RAP1GAP2: variants seen among roughly 807,000 people sequenced by gnomAD.
The protein encoded by RAP1GAP2 is rap1 GTPase-activating protein 2.
RAP1GAP2 carries 27 observed loss-of-function variants against 95.0 expected under a neutral mutation model. The ratio of observed to expected loss-of-function variants is 0.28; its 90% CI spans 0.21 to 0.39. The LOEUF is 0.39. Ranked by LOEUF, RAP1GAP2 falls within the 10% of genes least tolerant of loss-of-function variation. The pLI, the probability that RAP1GAP2 is intolerant of heterozygous loss-of-function variation, is 1.00. For missense variants in RAP1GAP2, 771 were observed against 970.0 expected, an observed-to-expected ratio of 0.79 and a Z score of 2.72; for synonymous variants, 373 against 380.9, an observed-to-expected ratio of 0.98 and a Z score of 0.24.
intron 3 of RAP1GAP2, among the ~76,000 whole-genome samples, chr17:2,947,977 C>A (rs1249268470): frequency 6.6e-6 from 1 of 152,176 alleles, no homozygotes; most frequent in Non-Finnish European, 1.5e-5. Flanking sequence ...ACACCTGCTC[C>A]TCCATCCTTG....
intron 2 of RAP1GAP2, among the ~76,000 whole-genome samples, chr17:2,848,978 T>G (rs73310073): frequency 0.033 from 4,955 of 152,016 alleles, 275 homozygotes; most frequent in African/African-American, 0.11. Context: ...GGGGCGCTGA[T>G]GTACCTGCCA....
At chr17:2,907,153 C>T (rs1018327102) in intron 3 of RAP1GAP2, among the ~76,000 whole-genome samples, 1 of 152,166 alleles carries the variant, frequency 6.6e-6, no homozygotes, top group Non-Finnish European at 1.5e-5. Flanking sequence ...TGGCTTAGGT[C>T]ACATGTTTGT....
At chr17:2,782,910 T>C (rs2068691145) in intron 1 of RAP1GAP2, among the ~76,000 whole-genome samples, 1 of 152,068 alleles carries the variant, frequency 6.6e-6, no homozygotes, top group African/African-American at 2.4e-5. Flanking sequence ...CCAGCTACTT[T>C]GGAGGCTGAG....
chr17:2,875,611 C>G (rs2073060022), intron 2 of RAP1GAP2, among the ~76,000 whole-genome samples: 1 of 152,114 alleles, frequency 6.6e-6, no homozygotes, highest in Non-Finnish European at 1.5e-5. Context: ...CTTTTCAGTG[C>G]CTCTCTGGGC....
At chr17:2,811,866 A>T (rs1328735108) in intron 2 of RAP1GAP2, among the ~76,000 whole-genome samples, 1 of 152,030 alleles carries the variant, frequency 6.6e-6, no homozygotes, top group African/African-American at 2.4e-5. Flanking sequence ...GGCGTGAGCC[A>T]CTGCGCCTGG....
At chr17:2,914,781 T>G (rs1403299064) in intron 3 of RAP1GAP2, among the ~76,000 whole-genome samples, 5 of 128,864 alleles carry the variant, frequency 3.9e-5, no homozygotes, top group African/African-American at 1.2e-4. Flanking sequence ...CGAGCCACTG[T>G]GCCCGGCCAC....
At chr17:2,863,769 A>G (rs1256365242) in intron 2 of RAP1GAP2, among the ~76,000 whole-genome samples, 1 of 152,052 alleles carries the variant, frequency 6.6e-6, no homozygotes, top group East Asian at 1.9e-4. Flanking sequence ...GTAAGAGTGG[A>G]GGTAGGGCCG....
At chr17:2,900,008 C>G (rs1567757259) in intron 2 of RAP1GAP2, among the ~76,000 whole-genome samples, 2 of 152,126 alleles carry the variant, frequency 1.3e-5, no homozygotes, top group African/African-American at 4.8e-5. Flanking sequence ...CTCTTTGCAG[C>G]CCAGCTGTCT....
intron 2 of RAP1GAP2, among the ~76,000 whole-genome samples, chr17:2,826,447 G>A (rs948799101): frequency 2.6e-5 from 4 of 152,070 alleles, no homozygotes; most frequent in South Asian, 2.1e-4. Flanking sequence ...GTGGGGATCC[G>A]CTCGGGGAGG....
At chr17:2,854,529 G>A (rs1045058776) in intron 2 of RAP1GAP2, among the ~76,000 whole-genome samples, 1 of 152,242 alleles carries the variant, frequency 6.6e-6, no homozygotes, top group African/African-American at 2.4e-5. Flanking sequence ...CTTGCTCTGC[G>A]CTCGGTGCCG....
In RAP1GAP2 at chr17:3,032,405, A is replaced by T. The variant is rs1271489442; in HGVS notation, c.2185-6A>T. ...TAAACTCCTGTATGGATTTTTGTTG[A>T]AACAGGGTCACTAATGTGAAAGTGG... On this transcript the variant is annotated splice_region_variant and splice_polypyrimidine_tract_variant and intron_variant, in intron 23 of 24. Transcript: ENST00000254695. 1 of 1,613,810 alleles carries T rather than the reference A, an allele frequency of 6.2e-7. No individual in the cohort carries two copies. Among genetic ancestry groups the T allele is most frequent in the East Asian group, 2.2e-5 (1 of 44,890 alleles).
At chr17:2,944,545 G>A (rs970840860) in intron 3 of RAP1GAP2, among the ~76,000 whole-genome samples, 1 of 152,196 alleles carries the variant, frequency 6.6e-6, no homozygotes, top group Non-Finnish European at 1.5e-5. Context: ...TAGCTTTATA[G>A]TAAGTATTGA....
At position 3,035,161 on chromosome 17, in the gene RAP1GAP2, T is replaced by C. The variant is rs1181364769; in HGVS notation, c.*1800T>C. 2 of 152,584 alleles carry C rather than the reference T, an allele frequency of 1.3e-5. No individual in the cohort carries two copies. Among genetic ancestry groups the C allele is most frequent in the African/African-American group, 4.8e-5 (2 of 41,452 alleles). 9.5% of individuals were successfully genotyped at this position (152,584 alleles called of 1,614,324 possible). A position where few individuals can be genotyped will look rare whatever the true frequency, so the allele number is the denominator to read the frequency against. ...AGTACTAGTCTAGTAAAATTTATTC[T>C]TGTTAGAAGGTCAACAAAATATCTG... is the stretch of plus-strand genomic sequence containing the variant. On this transcript the variant is annotated 3_prime_UTR_variant, in exon 25 of 25. Coordinates refer to ENST00000254695, the MANE Select transcript of RAP1GAP2 (RefSeq NM_015085.5). This position sits in a 1 kb window ranked among gnomAD's most constrained non-coding sequence, Gnocchi z 4.3.
At chr17:2,816,340 T>G (rs2151509649) in intron 2 of RAP1GAP2, among the ~76,000 whole-genome samples, 1 of 151,854 alleles carries the variant, frequency 6.6e-6, no homozygotes, top group South Asian at 2.1e-4. Flanking sequence ...ACCCTCTTAT[T>G]TATTTATTTA....
intron 2 of RAP1GAP2, among the ~76,000 whole-genome samples, chr17:2,802,756 G>A (rs1052136301): frequency 6.6e-6 from 1 of 152,086 alleles, no homozygotes; most frequent in Non-Finnish European, 1.5e-5. Context: ...AGTCCCGAAA[G>A]GCTGCCTGGA....
intron 2 of RAP1GAP2, among the ~76,000 whole-genome samples, chr17:2,883,196 T>C (rs569604366): frequency 3.9e-5 from 6 of 152,290 alleles, no homozygotes; most frequent in Admixed American, 3.3e-4. Flanking sequence ...GGATGGTCTT[T>C]TGGGAGGGGC....
chr17:2,806,102 G>A (rs915655981), intron 2 of RAP1GAP2, among the ~76,000 whole-genome samples: 1 of 152,218 alleles, frequency 6.6e-6, no homozygotes, highest in Non-Finnish European at 1.5e-5. Context: ...AGGGCCTGGA[G>A]GAGCTCCTGC....
intron 2 of RAP1GAP2, 123 bp from the exon 3 acceptor site, chr17:2,905,161 G>A: frequency 1.2e-6 from 1 of 818,818 alleles, no homozygotes; most frequent in Non-Finnish European, 1.9e-6. Context: ...GGGATTACTG[G>A]CGTGAGCCAC....
At chr17:2,756,437 G>A (rs1195932678) in intron 1 of RAP1GAP2, among the ~76,000 whole-genome samples, 1 of 152,208 alleles carries the variant, frequency 6.6e-6, no homozygotes, top group Middle Eastern at 3.2e-3. Context: ...CAGACGCAGC[G>A]CTGTCGAGTC....
Sources: allele counts gnomAD v4.1 joint callset (sites outside exome capture counted in the v4.1 genomes callset), GRCh38; gene constraint gnomAD v4.1.1; non-coding constraint Gnocchi (gnomAD v3.1); transcripts MANE v1.5; gene names NCBI Gene and HGNC (gene_info 2026-07-23, HGNC 2026-07-21).